Variants in ANKFN1 observed in about 807,000 individuals in gnomAD.
The protein encoded by ANKFN1 is ankyrin repeat and fibronectin type-III domain-containing protein 1.
A neutral mutation model predicts 108.7 loss-of-function variants in ANKFN1; 74 were observed. The ratio of observed to expected loss-of-function variants is 0.68; its 90% CI spans 0.56 to 0.83. The LOEUF is 0.83. Among genes scored for constraint, ANKFN1 ranks in the 40% least tolerant of loss-of-function variants. The pLI is 0.00. For synonymous variants in ANKFN1, 547 were observed against 516.2 expected (o/e 1.06, Z -0.81); for missense variants, 1,505 against 1,382.3 (o/e 1.09, Z -1.41).
chr17:56,462,463 G>A (rs1192201473), intron 14 of ANKFN1, among the ~76,000 whole-genome samples: 4 of 152,106 alleles, frequency 2.6e-5, no homozygotes, highest in African/African-American at 4.8e-5. Context: ...GCGTGGTGGC[G>A]CATGCCTATA....
chr17:56,308,094 G>A (rs1056998661), intron 3 of ANKFN1, among the ~76,000 whole-genome samples: 1 of 152,110 alleles, frequency 6.6e-6, no homozygotes, highest in African/African-American at 2.4e-5. Context: ...TTGTGGGATC[G>A]GGGGAGTGGG....
At chr17:56,500,477 C>A (rs1029359855) in intron 20 of ANKFN1, among the ~76,000 whole-genome samples, 10 of 152,172 alleles carry the variant, frequency 6.6e-5, no homozygotes, top group African/African-American at 2.4e-4. Flanking sequence ...AATATCATCT[C>A]TGCCAGAAGT....
chr17:56,052,271 C>G (rs183245070), intron 4 of ANKFN1, among the ~76,000 whole-genome samples: 2 of 151,978 alleles, frequency 1.3e-5, no homozygotes, highest in African/African-American at 2.4e-5. Context: ...TTTCAGTCTG[C>G]GAGGGCTTAT....
At chr17:56,434,184 G>T (rs896319962) in intron 8 of ANKFN1, among the ~76,000 whole-genome samples, 1 of 152,168 alleles carries the variant, frequency 6.6e-6, no homozygotes, top group African/African-American at 2.4e-5. Flanking sequence ...AGACACCTCT[G>T]CTCCCTACCT....
intron 8 of ANKFN1, among the ~76,000 whole-genome samples, chr17:56,424,033 G>T (rs2048486087): frequency 6.6e-6 from 1 of 152,170 alleles, no homozygotes. Flanking sequence ...CTAAATAAAA[G>T]GAGAATTTAG....
At chr17:56,149,763 A>G (rs1329141636), upstream of ANKFN1, among the ~76,000 whole-genome samples, 1 of 152,222 alleles carries the variant, frequency 6.6e-6, no homozygotes, top group Admixed American at 6.5e-5. Flanking sequence ...TGAGCCACAC[A>G]TGTGTCTACA....
At chr17:56,485,180 A>G (rs1049640305) in intron 18 of ANKFN1, among the ~76,000 whole-genome samples, 2 of 152,228 alleles carry the variant, frequency 1.3e-5, no homozygotes, top group African/African-American at 4.8e-5. Context: ...ATTCTCAAAG[A>G]GCTTACATTC....
chr17:56,170,741 C>G (rs560461454), intron 1 of ANKFN1, among the ~76,000 whole-genome samples: 1 of 137,212 alleles, frequency 7.3e-6, no homozygotes, highest in East Asian at 2.1e-4. Context: ...CCACCCTGGG[C>G]TACAGGGTGA....
At chr17:56,237,564 T>A (rs533267233) in intron 3 of ANKFN1, among the ~76,000 whole-genome samples, 1 of 152,308 alleles carries the variant, frequency 6.6e-6, no homozygotes, top group South Asian at 2.1e-4. Flanking sequence ...CTAGTTTCTG[T>A]GCATACAGGT....
intron 4 of ANKFN1, among the ~76,000 whole-genome samples, chr17:56,088,479 G>A (rs538405207): frequency 6.6e-6 from 1 of 151,072 alleles, no homozygotes; most frequent in Non-Finnish European, 1.5e-5. Context: ...GAAGCCCCCT[G>A]AGGCATCCGG....
intron 15 of ANKFN1, among the ~76,000 whole-genome samples, chr17:56,476,311 G>A (rs776363207): frequency 5.9e-5 from 9 of 152,102 alleles, no homozygotes; most frequent in Non-Finnish European, 1.0e-4. Flanking sequence ...TCTGAATTTT[G>A]TAATTATTCG....
Position 56,322,246 on chromosome 17 carries a change from C to A in ANKFN1, c.54-3975C>A, listed in dbSNP as rs370140902. On this transcript the variant is annotated intron_variant, in intron 3 of 20. Transcript: ENST00000682825. Reference sequence around the variant, plus strand: ...CATCATGTAGGCTAAAACTTTAAGTCACCTTCAACGTGTCTCTCTCTCTCA... The same window carrying A: ...CATCATGTAGGCTAAAACTTTAAGTAACCTTCAACGTGTCTCTCTCTCTCA... Among the ~76,000 whole-genome samples, 130 of 152,266 alleles carry A rather than the reference C, an allele frequency of 8.5e-4. 1 individual carries two copies. The highest frequency in any genetic ancestry group is 3.1e-3 in the African/African-American group (127 of 41,538).
chr17:56,055,603 T>TATATATATATATACACATATA (rs1555588793), intron 4 of ANKFN1, among the ~76,000 whole-genome samples: 1 of 37,728 alleles, frequency 2.7e-5, no homozygotes, highest in African/African-American at 1.2e-4. Context: ...ATATACACAT[T>TATATATATATATACACATATA]TTTTTATCCA....
chr17:56,270,222 A>C (rs1430902573), intron 3 of ANKFN1, among the ~76,000 whole-genome samples: 2 of 152,178 alleles, frequency 1.3e-5, no homozygotes, highest in Non-Finnish European at 2.9e-5. Context: ...TGGTTAGCAG[A>C]GTCTCCGAGG....
At chr17:56,380,234 C>T (rs1167963602) in intron 8 of ANKFN1, among the ~76,000 whole-genome samples, 1 of 152,164 alleles carries the variant, frequency 6.6e-6, no homozygotes, top group Non-Finnish European at 1.5e-5. Flanking sequence ...TGAATGAACT[C>T]TCTTTTCAGG....
intron 4 of ANKFN1, among the ~76,000 whole-genome samples, chr17:56,046,978 C>A (rs184031472): frequency 6.6e-6 from 1 of 151,952 alleles, no homozygotes; most frequent in Non-Finnish European, 1.5e-5. Flanking sequence ...TTTTCTTTTC[C>A]TTTCTTTTCT....
Position 56,510,879 on chromosome 17 carries a change from G to A in ANKFN1, c.3051G>A (p.Trp1017Ter), listed in dbSNP as rs1567717694. Residue 1017 changes from tryptophan to a stop codon, truncating the protein, a stop_gained, in exon 21 of 21, where the codon TGG (tryptophan) becomes TGA (stop). Transcript: ENST00000682825. LOFTEE classifies it low-confidence loss of function (END_TRUNC). ...GCGGCTTCAGCCGCCATCATCGCTG[G>A]TTGCGCATCCACAGCGAGACCCAGT... ...HYGGFSRHHR[W>*]LRIHSETQSL... is the part of the protein sequence containing the mutation. 1 of 1,536,052 alleles carries A rather than the reference G, an allele frequency of 6.5e-7. No individual in the cohort carries two copies.
chr17:56,048,710 C>G (rs185098290), intron 4 of ANKFN1, among the ~76,000 whole-genome samples: 3 of 152,318 alleles, frequency 2.0e-5, no homozygotes, highest in Admixed American at 6.5e-5. Context: ...TAGAAGATCT[C>G]TATCCTGTCC....
At chr17:56,108,172 A>G (rs1268537212) in intron 4 of ANKFN1, among the ~76,000 whole-genome samples, 1 of 152,134 alleles carries the variant, frequency 6.6e-6, no homozygotes, top group Non-Finnish European at 1.5e-5. Flanking sequence ...AGTGGCTGGG[A>G]TTACAGGTGC....
Sources: allele counts gnomAD v4.1 joint callset (sites outside exome capture counted in the v4.1 genomes callset), GRCh38; gene constraint gnomAD v4.1.1; transcripts MANE v1.5; gene names NCBI Gene and HGNC (gene_info 2026-07-23, HGNC 2026-07-21).